ZFYVE9: variants seen among roughly 807,000 people sequenced by gnomAD.
ZFYVE9 encodes zinc finger FYVE domain-containing protein 9.
Under a neutral mutation model 126.7 loss-of-function variants are expected in ZFYVE9, and 43 were observed. The observed-to-expected ratio is 0.34, with a 90% CI of 0.27 to 0.44. The LOEUF (loss-of-function observed/expected upper bound fraction) is 0.44. Ranked by LOEUF, ZFYVE9 falls within the 20% of genes least tolerant of loss-of-function variation. The probability of loss-of-function intolerance (pLI) is 1.00; values close to 1 mark genes in which losing one functional copy is unlikely to be tolerated. For synonymous variants in ZFYVE9, 521 were observed against 597.4 expected (o/e 0.87, Z 1.87); for missense variants, 1,476 against 1,697.0 (o/e 0.87, Z 2.29).
intron 1 of ZFYVE9, among the ~76,000 whole-genome samples, chr1:52,208,118 C>A (rs938112792): frequency 6.6e-6 from 1 of 152,052 alleles, no homozygotes; most frequent in Non-Finnish European, 1.5e-5. Flanking sequence ...CCCAGGAGTT[C>A]CAGACAAGCC....
In ZFYVE9 at chr1:52,201,760, T is replaced by TA. The variant is rs200017699; in HGVS notation, c.-142-14599dup. 3.6e-3 allele frequency among the ~76,000 whole-genome samples: 543 copies of TA among 150,338 alleles called. 7 individuals are homozygous for TA. The highest frequency in any genetic ancestry group is 0.013 in the African/African-American group (510 of 40,720). On this transcript the variant is annotated intron_variant, in intron 1 of 18. Coordinates refer to ENST00000287727, the MANE Select transcript of ZFYVE9 (RefSeq NM_004799.4). ...GACCATTGACCTTCAAAGCAATTTT[T>TA]AAAAAAAAAATTATTTTATGTATTT...
chr1:52,327,296 C>G (rs1444049330), intron 13 of ZFYVE9, among the ~76,000 whole-genome samples: 2 of 152,156 alleles, frequency 1.3e-5, no homozygotes, highest in Non-Finnish European at 2.9e-5. Flanking sequence ...TAATGTCTCA[C>G]TGGGGGTTAA....
intron 10 of ZFYVE9, among the ~76,000 whole-genome samples, chr1:52,283,102 A>T (rs1042535173): frequency 6.6e-6 from 1 of 152,172 alleles, no homozygotes; most frequent in African/African-American, 2.4e-5. Context: ...TATAGGGTTA[A>T]ATCTGAAATC....
At chr1:52,331,733 C>G (rs1481103265) in intron 13 of ZFYVE9, among the ~76,000 whole-genome samples, 1 of 146,338 alleles carries the variant, frequency 6.8e-6, no homozygotes, top group Non-Finnish European at 1.5e-5. Flanking sequence ...GCTTGGGCAA[C>G]AGAGAGAGAC....
Position 52,238,122 on chromosome 1 carries a change from T to C in ZFYVE9, c.705T>C (p.Asp235=), listed in dbSNP as rs1249778257. Residue 235 remains aspartate (D), a synonymous_variant, in exon 4 of 19, where the codon GAT becomes GAC. Coordinates refer to ENST00000287727, the MANE Select transcript of ZFYVE9 (RefSeq NM_004799.4). ...ACCATCTGTGTCCTACTTCATCTGA[T>C]AGTCTAGCCAGTGTCTGTTCCCCTT... The part of the protein sequence containing the change: ...SVNHLCPTSS[D]SLASVCSPSQ... 6.2e-7 allele frequency: 1 copy of C among 1,613,978 alleles called. No individual in the cohort carries two copies. The highest frequency in any genetic ancestry group is 1.3e-5 in the African/African-American group (1 of 74,914).
At chr1:52,323,698 C>T (rs1353492407) in intron 13 of ZFYVE9, among the ~76,000 whole-genome samples, 1 of 152,064 alleles carries the variant, frequency 6.6e-6, no homozygotes, top group African/African-American at 2.4e-5. Flanking sequence ...AGGGTCACTT[C>T]AGGTCAGGTG....
chr1:52,158,183 C>T (rs921187182), intron 1 of ZFYVE9, among the ~76,000 whole-genome samples: 15 of 152,208 alleles, frequency 9.9e-5, no homozygotes, highest in African/African-American at 3.6e-4. Flanking sequence ...CTTGACCTTA[C>T]TCAGTCTAAT....
At chr1:52,254,211 G>GT (rs1245457057) in intron 4 of ZFYVE9, 27 of 473,222 alleles carry the variant, frequency 5.7e-5, no homozygotes, top group Non-Finnish European at 9.7e-5. Flanking sequence ...GTCATTAAAC[G>GT]TATCTTTGTT....
chr1:52,257,655 T>A (rs894813394), intron 4 of ZFYVE9, among the ~76,000 whole-genome samples: 3 of 152,244 alleles, frequency 2.0e-5, no homozygotes, highest in African/African-American at 7.2e-5. Flanking sequence ...ATTTTCTGAA[T>A]TTGGATATGA....
intron 1 of ZFYVE9, among the ~76,000 whole-genome samples, chr1:52,195,273 G>C (rs1644849915): frequency 6.6e-6 from 1 of 152,204 alleles, no homozygotes; most frequent in Admixed American, 6.5e-5. Context: ...GGTAAAGGAG[G>C]AATGTTGTTT....
At chr1:52,145,816 C>T (rs1037961407) in intron 1 of ZFYVE9, among the ~76,000 whole-genome samples, 2 of 151,936 alleles carry the variant, frequency 1.3e-5, no homozygotes, top group African/African-American at 2.4e-5. Context: ...AAAACAATTT[C>T]GATTTTAGTA....
At chr1:52,257,303 A>G (rs1569603193) in intron 4 of ZFYVE9, among the ~76,000 whole-genome samples, 2 of 152,202 alleles carry the variant, frequency 1.3e-5, no homozygotes, top group African/African-American at 4.8e-5. Flanking sequence ...CTGTATTAGC[A>G]TTTCTATTTT....
chr1:52,162,184 A>G (rs1038072728), intron 1 of ZFYVE9: 50 of 222,164 alleles, frequency 2.3e-4, no homozygotes, highest in African/African-American at 1.2e-3. Flanking sequence ...TTCATTATCA[A>G]TAGTGTCTTG....
intron 13 of ZFYVE9, among the ~76,000 whole-genome samples, chr1:52,306,506 C>T (rs1166997061): frequency 1.3e-5 from 2 of 152,256 alleles, no homozygotes; most frequent in African/African-American, 4.8e-5. Context: ...ATACCTCATT[C>T]TTCCTGGATG....
In ZFYVE9 at chr1:52,237,614, AACC is replaced by A; in HGVS notation, c.200_202del (p.Pro67del). On this transcript the variant is annotated inframe_deletion, in exon 4 of 19. Transcript: ENST00000287727. ...GAATCTGCAGTTTCTAATGAGTCAC[AACC>A]ACAACTGAAAGTCTTCTCCCTGGCT... The A allele has an allele frequency of 6.2e-7, 1 of 1,614,092 alleles. No homozygotes were observed. Among genetic ancestry groups the A allele is most frequent in the South Asian group, 1.1e-5 (1 of 91,078 alleles).
intron 8 of ZFYVE9, among the ~76,000 whole-genome samples, chr1:52,276,018 C>T (rs1645745156): frequency 6.6e-6 from 1 of 151,418 alleles, no homozygotes; most frequent in African/African-American, 2.4e-5. Context: ...AGCAGTTCTC[C>T]TGCCTCAGTC....
At chr1:52,193,958 GA>G (rs1644838791) in intron 1 of ZFYVE9, among the ~76,000 whole-genome samples, 1 of 152,022 alleles carries the variant, frequency 6.6e-6, no homozygotes, top group African/African-American at 2.4e-5. Context: ...TTATATTTTA[GA>G]ATTCTATGTG....
rs753385426 is a variant in ZFYVE9 at position 52,237,780 on chromosome 1, T to C, written c.363T>C (p.Ser121=). 8 of 1,613,962 alleles carry C rather than the reference T, an allele frequency of 5.0e-6. No homozygotes were observed. The highest frequency in any genetic ancestry group is 4.0e-5 in the African/African-American group (3 of 74,918). The part of the protein sequence containing the change: ...AEDQLIKRNY[S]WDDQCSAVEV... ...ACCAGTTAATTAAGAGAAACTATAGTTGGGATGATCAATGCAGTGCTGTTG... is the reference window on the plus strand; with the variant it reads ...ACCAGTTAATTAAGAGAAACTATAGCTGGGATGATCAATGCAGTGCTGTTG... Residue 121 remains serine, a synonymous_variant, in exon 4 of 19, where the codon AGT becomes AGC. Transcript: ENST00000287727.
intron 12 of ZFYVE9, among the ~76,000 whole-genome samples, chr1:52,302,121 T>G (rs1646041559): frequency 6.6e-6 from 1 of 152,210 alleles, no homozygotes; most frequent in Admixed American, 6.5e-5. Flanking sequence ...TTGTATAAGT[T>G]CTGGCTCCGT....
Sources: gnomAD v4.1 joint callset for allele counts (sites outside exome capture counted in the v4.1 genomes callset) on GRCh38, gnomAD v4.1.1 for gene constraint, MANE v1.5 for transcripts, NCBI Gene and HGNC (gene_info 2026-07-23, HGNC 2026-07-21) for gene names.